LOXHD1: variants seen among roughly 807,000 people sequenced by gnomAD.
The protein encoded by LOXHD1 is lipoxygenase homology domain-containing protein 1.
A neutral mutation model predicts 248.2 loss-of-function variants in LOXHD1; 205 were observed. The observed-to-expected ratio is 0.83, with a 90% CI of 0.74 to 0.93. The LOEUF is 0.93. Ranked by LOEUF, LOXHD1 falls within the 40% of genes least tolerant of loss-of-function variation. LOXHD1 has a pLI of 0.00. For synonymous variants in LOXHD1, 1,113 were observed against 1,162.8 expected (o/e 0.96, Z 0.87); for missense variants, 2,930 against 2,971.6 (o/e 0.99, Z 0.33).
intron 21 of LOXHD1, among the ~76,000 whole-genome samples, chr18:46,557,057 A>G (rs1335243417): frequency 4.5e-5 from 6 of 133,826 alleles, no homozygotes; most frequent in Non-Finnish European, 9.6e-5. Context: ...TCACCCTCCA[A>G]TGTCACACCC....
chr18:46,523,566 C>A (rs1307236401), intron 31 of LOXHD1, among the ~76,000 whole-genome samples: 1 of 152,150 alleles, frequency 6.6e-6, no homozygotes, highest in African/African-American at 2.4e-5. Context: ...CTAATTGATA[C>A]AAGTTGGAAA....
intron 9 of LOXHD1, 119 bp from the exon 10 acceptor site, chr18:46,593,879 G>A (rs1397161089): frequency 9.7e-7 from 1 of 1,031,058 alleles, no homozygotes. Context: ...ATACACAGGT[G>A]TGTCCCACTC....
At chr18:46,560,048 T>TGCCGGCGCCCCC in intron 19 of LOXHD1, 35 bp downstream of exon 19, 1 of 1,226,298 alleles carries the variant, frequency 8.2e-7, no homozygotes, top group Non-Finnish European at 1.1e-6. Context: ...GTCTGGCCAC[T>TGCCGGCGCCCCC]CCCTCCCCAC....
At chr18:46,565,760 G>A (rs907620439) in intron 17 of LOXHD1, among the ~76,000 whole-genome samples, 5 of 152,124 alleles carry the variant, frequency 3.3e-5, no homozygotes, top group Non-Finnish European at 7.3e-5. Flanking sequence ...TACTGTTAGG[G>A]AATAATGACA....
At chr18:46,537,920 G>A (rs2036385295) in intron 26 of LOXHD1, among the ~76,000 whole-genome samples, 1 of 152,208 alleles carries the variant, frequency 6.6e-6, no homozygotes, top group South Asian at 2.1e-4. Context: ...CCCAAGTCCT[G>A]TCTCTCATCA....
chr18:46,499,485 C>T (rs764254532), intron 37 of LOXHD1, among the ~76,000 whole-genome samples: 1 of 152,116 alleles, frequency 6.6e-6, no homozygotes, highest in African/African-American at 2.4e-5. Flanking sequence ...ACAAAGCAAA[C>T]CTTTTGAATG....
rs1026602856 is a variant in LOXHD1 at position 46,535,861 on chromosome 18, G to A, written c.4096-1410C>T. 6.6e-5 allele frequency among the ~76,000 whole-genome samples: 10 copies of A among 152,138 alleles called. No homozygotes were observed. In the South Asian group the frequency reaches 8.3e-4, roughly 13 times the overall value. Reference sequence around the variant, plus strand: ...GCTGGCATTACAGGCGTGAGCCACCGCGCCTGGTGGTCATCTCAGTTCTAA... The same window carrying A: ...GCTGGCATTACAGGCGTGAGCCACCACGCCTGGTGGTCATCTCAGTTCTAA... On this transcript the variant is annotated intron_variant, in intron 26 of 40. Coordinates refer to ENST00000642948, the MANE Select transcript of LOXHD1 (RefSeq NM_001384474.1).
chr18:46,653,704 A>G (rs1192059152), intron 1 of LOXHD1, among the ~76,000 whole-genome samples: 2 of 152,254 alleles, frequency 1.3e-5, no homozygotes, highest in Non-Finnish European at 2.9e-5. Flanking sequence ...ATAAATATGG[A>G]ACAAAACTGA....
In LOXHD1 at chr18:46,591,923, C is replaced by T. The variant is rs1200519632; in HGVS notation, c.1654+10G>A. On this transcript the variant is annotated intron_variant, in intron 12 of 40. Coordinates refer to ENST00000642948, the MANE Select transcript of LOXHD1 (RefSeq NM_001384474.1). ...CTGCCTCCCAGGATGGAGAGCCTGT[C>T]AGTACTTACTGCCCATGATCCTGCG... The T allele has an allele frequency of 3.2e-6, 5 of 1,551,670 alleles. No individual in the cohort carries two copies. The Admixed American group carries it at 9.8e-5, about 30-fold the overall frequency.
In LOXHD1 at chr18:46,601,307, G is replaced by T. The variant is rs1274524633; in HGVS notation, c.1044C>A (p.His348Gln). 6.4e-7 allele frequency: 1 copy of T among 1,551,636 alleles called. No individual in the cohort carries two copies. Among genetic ancestry groups the T allele is most frequent in the Non-Finnish European group, 8.7e-7 (1 of 1,147,026 alleles). ...VFDRGRTDIFHIELAVLLSPL... is the reference protein window; with the variant it reads ...VFDRGRTDIFQIELAVLLSPL... ...GGCTAAGGAGGACAGCCAGCTCGAT[G>T]TGGAAGATGTCCGTGCGGCCTCGGT... The change falls in exon 8 of 41, where the codon CAC becomes CAA. Residue 348 changes from histidine (H) to glutamine (Q), a missense_variant. Physicochemically the swap from His to Gln is conservative, Grantham distance 24. Transcript: ENST00000642948.
chr18:46,533,017 C>A, intron 28 of LOXHD1, 145 bp downstream of exon 28: 2 of 798,360 alleles, frequency 2.5e-6, no homozygotes, highest in Non-Finnish European at 3.8e-6. Context: ...CCTCTGTGAG[C>A]CTCAGTGGCC....
At chr18:46,535,953 T>G (rs1299791044) in intron 26 of LOXHD1, among the ~76,000 whole-genome samples, 1 of 152,076 alleles carries the variant, frequency 6.6e-6, no homozygotes, top group African/African-American at 2.4e-5. Context: ...AGAGAAAGAC[T>G]CAGAGGACAT....
chr18:46,632,771 G>A (rs1336611295), intron 4 of LOXHD1, among the ~76,000 whole-genome samples: 3 of 152,186 alleles, frequency 2.0e-5, no homozygotes, highest in Non-Finnish European at 2.9e-5. Context: ...GGCCCCAGAA[G>A]GTGCCAGGAC....
chr18:46,559,555 C>G lies in LOXHD1; in HGVS notation c.3109G>C (p.Gly1037Arg). ...QVVTGNVPKA[G>R]TDANVYLTIY... ...GTTAGGTAGACGTTAGCATCAGTGC[C>G]GGCCTTGGGCACATTCCCCGTGACC... The change falls in exon 20 of 41, where the codon GGC (glycine) becomes CGC (arginine). Residue 1037 changes from glycine (G) to arginine (R), a missense_variant. By Grantham distance (125) the Gly-to-Arg change is moderately radical. Transcript: ENST00000642948. 1.9e-6 allele frequency: 3 copies of G among 1,551,916 alleles called. No individual in the cohort carries two copies. The highest frequency in any genetic ancestry group is 2.6e-6 in the Non-Finnish European group (3 of 1,147,022).
intron 29 of LOXHD1, among the ~76,000 whole-genome samples, chr18:46,526,244 T>C (rs946124875): frequency 9.9e-5 from 15 of 152,168 alleles, no homozygotes; most frequent in African/African-American, 3.6e-4. Flanking sequence ...AGTGGAAAAT[T>C]GGAAGCCATC....
At position 46,601,356 on chromosome 18, in the gene LOXHD1, A is replaced by AT. The variant is rs1461414910; in HGVS notation, c.994dup (p.Ile332AsnfsTer9). 6.4e-7 allele frequency: 1 copy of AT among 1,551,586 alleles called. No individual in the cohort carries two copies. The highest frequency in any genetic ancestry group is 8.7e-7 in the Non-Finnish European group (1 of 1,146,976). On this transcript the variant is annotated frameshift_variant, in exon 8 of 41. Coordinates refer to ENST00000642948, the MANE Select transcript of LOXHD1 (RefSeq NM_001384474.1). LOFTEE classifies it high-confidence loss of function. The stretch of plus-strand genomic sequence containing the variant: ...GTCAAACACGCCGCCCTCCAGGAAG[A>AT]TTTTCCCACTGTTCTTATTCCCTCT...
chr18:46,617,657 G>A (rs2144326963), intron 5 of LOXHD1, among the ~76,000 whole-genome samples: 1 of 152,120 alleles, frequency 6.6e-6, no homozygotes, highest in Non-Finnish European at 1.5e-5. Context: ...TAAATTGGCA[G>A]AAGCAGAAGA....
At chr18:46,561,688 GAGTCCACAATGC>G (rs1287847403) in intron 18 of LOXHD1, among the ~76,000 whole-genome samples, 8 of 152,138 alleles carry the variant, frequency 5.3e-5, no homozygotes, top group Non-Finnish European at 8.8e-5. Context: ...CCCTGTTCAT[GAGTCCACAATGC>G]AGTCAACAAA....
At chr18:46,544,815 A>G in intron 23 of LOXHD1, 1 of 471,426 alleles carries the variant, frequency 2.1e-6, no homozygotes, top group Non-Finnish European at 4.4e-6. Context: ...TTTATTCTTC[A>G]ATAATGCTTG....
Sources: allele counts gnomAD v4.1 joint callset (sites outside exome capture counted in the v4.1 genomes callset), GRCh38; gene constraint gnomAD v4.1.1; transcripts MANE v1.5; gene names NCBI Gene and HGNC (gene_info 2026-07-23, HGNC 2026-07-21).